The following EDIL3 variants were observed in gnomAD, a reference collection of about 807,000 sequenced individuals.
The protein encoded by EDIL3 is EGF like and discoidin domains 3.
In EDIL3, 37 loss-of-function variants were observed where a neutral mutation model predicts 67.4. The observed-to-expected ratio is 0.55, with a 90% CI of 0.42 to 0.72. The LOEUF is 0.72. Among genes scored for constraint, EDIL3 ranks in the 30% least tolerant of loss-of-function variants. The probability of loss-of-function intolerance (pLI) is 0.00; values close to 1 mark genes in which losing one functional copy is unlikely to be tolerated. For missense variants in EDIL3, 527 were observed against 586.3 expected (o/e 0.90, Z 1.04); for synonymous variants, 195 against 196.3 (o/e 0.99, Z 0.05).
intron 9 of EDIL3, among the ~76,000 whole-genome samples, chr5:84,028,355 A>C (rs779399859): frequency 7.9e-5 from 12 of 152,190 alleles, no homozygotes; most frequent in Non-Finnish European, 1.6e-4. Context: ...CTTTGACTTA[A>C]AATCTTCCAA....
In EDIL3 at chr5:84,018,470, A is replaced by T. The variant is rs867202241; in HGVS notation, c.1137+41830T>A. On this transcript the variant is annotated intron_variant, in intron 9 of 10. Coordinates refer to ENST00000296591, the MANE Select transcript of EDIL3 (RefSeq NM_005711.5). Reference sequence around the variant, plus strand: ...TAACACACTGATAGACCAGAGGGACAGGAAGAAATTGTTTAATAAATCTCT... The same window carrying T: ...TAACACACTGATAGACCAGAGGGACTGGAAGAAATTGTTTAATAAATCTCT... Among the ~76,000 whole-genome samples the T allele has an allele frequency of 5.8e-4, 89 of 152,266 alleles. 2 individuals are homozygous for T. Among genetic ancestry groups the T allele is most frequent in the African/African-American group, 2.0e-3 (85 of 41,560 alleles).
rs138363345 is a variant in EDIL3 at position 84,313,600 on chromosome 5, G to C, written c.68-59388C>G. Among the ~76,000 whole-genome samples the C allele has an allele frequency of 2.6e-5, 4 of 152,146 alleles. No homozygotes were observed. The East Asian group carries it at 7.8e-4, about 29-fold the overall frequency. Reference sequence around the variant, plus strand: ...TAATATCTACCTAGAAGACTATTGCGAGCATTAAGTAAGGTGGTAACTCCC... The same window carrying C: ...TAATATCTACCTAGAAGACTATTGCCAGCATTAAGTAAGGTGGTAACTCCC... On this transcript the variant is annotated intron_variant, in intron 1 of 10. Transcript: ENST00000296591.
At chr5:84,175,962 G>C (rs926013380) in intron 4 of EDIL3, among the ~76,000 whole-genome samples, 22 of 151,762 alleles carry the variant, frequency 1.4e-4, no homozygotes, top group Admixed American at 2.6e-4. Context: ...ATGCAATTAA[G>C]AATGATCATG....
intron 9 of EDIL3, among the ~76,000 whole-genome samples, chr5:83,984,466 T>G (rs1188958154): frequency 6.6e-6 from 1 of 152,020 alleles, no homozygotes; most frequent in African/African-American, 2.4e-5. Context: ...ATCCGGGGAA[T>G]CAACTGGAAA....
chr5:84,106,075 T>C (rs923583934), intron 6 of EDIL3, among the ~76,000 whole-genome samples: 1 of 152,122 alleles, frequency 6.6e-6, no homozygotes, highest in Admixed American at 6.6e-5. Flanking sequence ...TGTACAGAAA[T>C]ATAAGCTCTG....
chr5:83,947,767 CTTAA>C (rs573681759), intron 10 of EDIL3, among the ~76,000 whole-genome samples: 156 of 151,892 alleles, frequency 1.0e-3, no homozygotes, highest in Non-Finnish European at 1.6e-3. Flanking sequence ...GAATCTAGTG[CTTAA>C]TTCTCAATGA....
In EDIL3 at chr5:83,990,484, A is replaced by AT. The variant is rs1393664531; in HGVS notation, c.1138-27125_1138-27124insA. Among the ~76,000 whole-genome samples the AT allele has an allele frequency of 2.2e-3, 259 of 115,186 alleles. 2 individuals carry two copies. The highest frequency in any genetic ancestry group is 7.5e-3 in the African/African-American group (244 of 32,550). 75.6% of individuals were successfully genotyped at this position (115,186 alleles called of 152,430 possible). On this transcript the variant is annotated intron_variant, in intron 9 of 10. Coordinates refer to ENST00000296591, the MANE Select transcript of EDIL3 (RefSeq NM_005711.5). Reference sequence around the variant, plus strand: ...TCTGCCGACCGAGTGAGACTCCATCACAAAAAAAAAAAAAAAGAAAGAAAA... The same window carrying AT: ...TCTGCCGACCGAGTGAGACTCCATCATCAAAAAAAAAAAAAAAGAAAGAAAA...
At chr5:84,037,212 T>A (rs1201974179) in intron 9 of EDIL3, among the ~76,000 whole-genome samples, 1 of 152,216 alleles carries the variant, frequency 6.6e-6, no homozygotes, top group African/African-American at 2.4e-5. Context: ...GGATATTCCC[T>A]TCTTTCTCCC....
At chr5:84,163,635 C>T (rs957737516) in intron 4 of EDIL3, among the ~76,000 whole-genome samples, 2 of 151,996 alleles carry the variant, frequency 1.3e-5, no homozygotes, top group African/African-American at 4.8e-5. Context: ...ATCAGCCATG[C>T]TAGGTCAATC....
At position 84,238,665 on chromosome 5, in the gene EDIL3, G is replaced by GGTTTTT. The variant is rs1554037699; in HGVS notation, c.197-8782_197-8781insAAAAAC. ...GTTACAACAGGAGCTAAAATTAAATGTTTTTTTTTTTTTTTTTTCAGAATC... is the reference window on the plus strand; with the variant it reads ...GTTACAACAGGAGCTAAAATTAAATGGTTTTTTTTTTTTTTTTTTTTTTTCAGAATC... On this transcript the variant is annotated intron_variant, in intron 2 of 10. Transcript: ENST00000296591. Among the ~76,000 whole-genome samples, 3 of 101,106 alleles carry GGTTTTT rather than the reference G, an allele frequency of 3.0e-5. No individual in the cohort carries two copies. The Admixed American group carries it at 3.9e-4, about 13-fold the overall frequency. The allele number at this position is 101,106 out of a possible 152,430, so 66.3% of individuals were successfully genotyped here.
intron 9 of EDIL3, among the ~76,000 whole-genome samples, chr5:84,005,575 C>CTCA (rs1338561979): frequency 6.6e-6 from 1 of 151,978 alleles, no homozygotes; most frequent in Non-Finnish European, 1.5e-5. Context: ...AAGTGAAAAC[C>CTCA]ACATGATCAC....
intron 9 of EDIL3, among the ~76,000 whole-genome samples, chr5:84,028,799 C>A (rs943816972): frequency 6.6e-6 from 1 of 151,872 alleles, no homozygotes; most frequent in Admixed American, 6.6e-5. Flanking sequence ...TTGCTTTGTA[C>A]AATCTCAAAC....
intron 1 of EDIL3, among the ~76,000 whole-genome samples, chr5:84,356,889 CTTTTTTTTTTTTTTTTTT>C (rs1189590387): frequency 3.1e-5 from 1 of 32,086 alleles, no homozygotes. Context: ...ATCTTTCTTT[CTTTTTTTTTTTTTTTTTT>C]TTTTTTTTGG....
chr5:84,302,539 G>T (rs930149932), intron 1 of EDIL3, among the ~76,000 whole-genome samples: 11 of 152,082 alleles, frequency 7.2e-5, no homozygotes. Context: ...CTCGTGATCC[G>T]CCTGCCTCGG....
At chr5:84,063,526 G>C (rs1359578129) in intron 8 of EDIL3, among the ~76,000 whole-genome samples, 1 of 152,086 alleles carries the variant, frequency 6.6e-6, no homozygotes, top group African/African-American at 2.4e-5. Flanking sequence ...TCACTTGACT[G>C]TACAAATTAC....
chr5:84,288,324 G>C (rs1341925185), intron 1 of EDIL3, among the ~76,000 whole-genome samples: 1 of 151,944 alleles, frequency 6.6e-6, no homozygotes, highest in African/African-American at 2.4e-5. Flanking sequence ...ATCCTCTTTT[G>C]CCTGGGTGAC....
chr5:84,276,501 T>C lies in EDIL3; in HGVS notation c.68-22289A>G, dbSNP rs114731866. Among the ~76,000 whole-genome samples, 1,000 of 152,256 alleles carry C rather than the reference T, an allele frequency of 6.6e-3. 15 individuals carry two copies. Among genetic ancestry groups the C allele is most frequent in the African/African-American group, 0.023 (953 of 41,544 alleles). ...TTTCCTTCATAATCTTACTCAAGCA[T>C]TTGCTTTTTGATCTGTTTATTTAGA... On this transcript the variant is annotated intron_variant, in intron 1 of 10. Coordinates refer to ENST00000296591, the MANE Select transcript of EDIL3 (RefSeq NM_005711.5).
At chr5:84,373,599 A>C (rs1337903460) in intron 1 of EDIL3, among the ~76,000 whole-genome samples, 1 of 152,216 alleles carries the variant, frequency 6.6e-6, no homozygotes, top group African/African-American at 2.4e-5. Context: ...GATTTCATAA[A>C]GCAACAATGG....
chr5:84,128,740 G>T (rs1019463265), intron 5 of EDIL3, among the ~76,000 whole-genome samples: 2 of 152,164 alleles, frequency 1.3e-5, no homozygotes, highest in South Asian at 4.1e-4. Flanking sequence ...AAGTTATGCC[G>T]TTCTCAAACT....
Sources: allele counts gnomAD v4.1 joint callset (sites outside exome capture counted in the v4.1 genomes callset), GRCh38; gene constraint gnomAD v4.1.1; transcripts MANE v1.5; gene names NCBI Gene and HGNC (gene_info 2026-07-23, HGNC 2026-07-21).